NUP133: variants seen among roughly 807,000 people sequenced by gnomAD.
NUP133 encodes nuclear pore complex protein Nup133.
In NUP133, 66 loss-of-function variants were observed where a neutral mutation model predicts 146.2. That is an observed-to-expected ratio of 0.45 (90% confidence interval 0.37 to 0.55). NUP133 has a LOEUF of 0.55. Ranked by LOEUF, NUP133 falls within the 20% of genes least tolerant of loss-of-function variation. NUP133 has a pLI of 0.00. For missense variants in NUP133, 1,277 were observed against 1,374.8 expected (o/e 0.93, Z 1.12); for synonymous variants, 521 against 498.8 (o/e 1.04, Z -0.59).
chr1:229,479,447 T>C (rs943659381), intron 12 of NUP133, among the ~76,000 whole-genome samples: 4 of 152,318 alleles, frequency 2.6e-5, no homozygotes, highest in African/African-American at 9.6e-5. Context: ...AAATTAAACT[T>C]CATCATAGGT....
At chr1:229,454,387 G>A (rs545205408) in intron 21 of NUP133, among the ~76,000 whole-genome samples, 93 of 152,244 alleles carry the variant, frequency 6.1e-4, no homozygotes, top group African/African-American at 2.1e-3. Flanking sequence ...CCGTGATCCT[G>A]GTTTTGGAAA....
At chr1:229,449,247 G>T in intron 23 of NUP133, 57 bp from the exon 24 acceptor site, 1 of 1,123,576 alleles carries the variant, frequency 8.9e-7, no homozygotes, top group Non-Finnish European at 1.3e-6. Flanking sequence ...AGAAATACAT[G>T]CCTAAATTTT....
intron 18 of NUP133, among the ~76,000 whole-genome samples, chr1:229,464,246 C>T (rs913778740): frequency 6.6e-6 from 1 of 152,196 alleles, no homozygotes; most frequent in African/African-American, 2.4e-5. Flanking sequence ...TCTTCCCAGT[C>T]CTAGCCTGGA....
At chr1:229,506,840 ACT>A in intron 1 of NUP133, among the ~76,000 whole-genome samples, 1 of 151,086 alleles carries the variant, frequency 6.6e-6, no homozygotes, top group Non-Finnish European at 1.5e-5. Flanking sequence ...AAAAAAAAAA[ACT>A]ATCAGATCTG....
At chr1:229,480,886 G>A (rs934436339) in intron 12 of NUP133, among the ~76,000 whole-genome samples, 1 of 148,794 alleles carries the variant, frequency 6.7e-6, no homozygotes, top group Non-Finnish European at 1.5e-5. Context: ...GAAGAGACAA[G>A]GTTTCACCAT....
In NUP133 at chr1:229,495,484, T is replaced by C. The variant is rs756189107; in HGVS notation, c.1046+11A>G. 2.5e-6 allele frequency: 4 copies of C among 1,594,578 alleles called. No individual in the cohort carries two copies. Among genetic ancestry groups the C allele is most frequent in the Non-Finnish European group, 2.6e-6 (3 of 1,163,486 alleles). On this transcript the variant is annotated intron_variant, in intron 8 of 25. Transcript: ENST00000261396. ...CTTCTCTATGTTCTTTACGACAAAT[T>C]AATTGCTTACCAGTTTTGCTTCAAG... is the stretch of plus-strand genomic sequence containing the variant.
At chr1:229,465,159 G>A (rs563384569) in intron 17 of NUP133, among the ~76,000 whole-genome samples, 1 of 152,182 alleles carries the variant, frequency 6.6e-6, no homozygotes, top group East Asian at 1.9e-4. Flanking sequence ...CATACCTCCG[G>A]GGCCAGGACT....
chr1:229,455,760 A>G (rs1290449103), intron 21 of NUP133, among the ~76,000 whole-genome samples: 1 of 152,174 alleles, frequency 6.6e-6, no homozygotes, highest in Non-Finnish European at 1.5e-5. Context: ...TTCATTTCTA[A>G]ATACTCAGCA....
At chr1:229,454,895 C>G (rs1558090573) in intron 21 of NUP133, among the ~76,000 whole-genome samples, 1 of 152,146 alleles carries the variant, frequency 6.6e-6, no homozygotes. Flanking sequence ...TTATCCCAAA[C>G]AGTAAAAAAT....
At chr1:229,493,498 C>A (rs6662732) in intron 8 of NUP133, among the ~76,000 whole-genome samples, 28,461 of 152,072 alleles carry the variant, frequency 0.19, 2,868 homozygotes, top group Middle Eastern at 0.25. Context: ...AAATTATAAG[C>A]CCAGATTGTA....
chr1:229,456,229 G>A lies in NUP133; in HGVS notation c.2980+1932C>T, dbSNP rs146807054. Among the ~76,000 whole-genome samples, 60 of 152,284 alleles carry A rather than the reference G, an allele frequency of 3.9e-4. No individual in the cohort carries two copies. The East Asian group carries it at 0.011, about 29-fold the overall frequency. ...ACAGGGTCTATTAGATTTGTCTACT[G>A]ATACTCCAAAACCACGGGAATATCC... On this transcript the variant is annotated intron_variant, in intron 21 of 25. Transcript: ENST00000261396.
In NUP133 at chr1:229,506,158, C is replaced by A; in HGVS notation, c.183G>T (p.Arg61=). ...GTGGGAACATTCGTGTTGGTGTTCC[C>A]CTAAAGAAAAGAGTCTATATTACCT... ...PVGRRSSLSS[R]GTPTRMFPHH... The change falls in exon 2 of 26, where the codon CGG becomes CGT. Residue 61 remains arginine (R), a splice_region_variant and synonymous_variant. Transcript: ENST00000261396. The A allele has an allele frequency of 1.3e-6, 2 of 1,578,728 alleles. No individual in the cohort carries two copies. The highest frequency in any genetic ancestry group is 1.1e-5 in the South Asian group (1 of 89,010).
At chr1:229,495,701 G>A (rs1048533786) in intron 7 of NUP133, 136 bp from the exon 8 acceptor site, 15 of 866,760 alleles carry the variant, frequency 1.7e-5, no homozygotes, top group Non-Finnish European at 2.3e-5. Flanking sequence ...AAAAAAAATC[G>A]CTAAGCAAGT....
chr1:229,493,203 G>C (rs929711709), intron 8 of NUP133, among the ~76,000 whole-genome samples: 1 of 152,036 alleles, frequency 6.6e-6, no homozygotes, highest in African/African-American at 2.4e-5. Flanking sequence ...TTAGAAAAAA[G>C]GTCTTTCTCT....
At chr1:229,493,800 TTC>T (rs1182058931) in intron 8 of NUP133, among the ~76,000 whole-genome samples, 3 of 152,288 alleles carry the variant, frequency 2.0e-5, no homozygotes, top group South Asian at 2.1e-4. Flanking sequence ...ATGCTTCTCA[TTC>T]TCAACCTCAT....
chr1:229,505,706 G>A (rs1279184912), intron 2 of NUP133, among the ~76,000 whole-genome samples: 2 of 151,546 alleles, frequency 1.3e-5, no homozygotes, highest in African/African-American at 2.4e-5. Context: ...GGCCAACATG[G>A]TGAAACCCTG....
At position 229,477,594 on chromosome 1, in the gene NUP133, T is replaced by C; in HGVS notation, c.1756+3A>G. On this transcript the variant is annotated splice_donor_region_variant and intron_variant, in intron 13 of 25. Transcript: ENST00000261396. ...CACCGTTCCATAATTGAAACATTCT[T>C]ACCCTCAGGGACAGACTCAGCCCAC... The C allele has an allele frequency of 6.2e-7, 1 of 1,603,064 alleles. No individual in the cohort carries two copies. The highest frequency in any genetic ancestry group is 8.5e-7 in the Non-Finnish European group (1 of 1,173,832).
intron 13 of NUP133, among the ~76,000 whole-genome samples, chr1:229,476,928 C>CAAA (rs745478707): frequency 0.024 from 1,737 of 71,788 alleles, 33 homozygotes; most frequent in Admixed American, 0.072. Context: ...ACCCTGTTTC[C>CAAA]AAAAAAAAAA....
At chr1:229,465,148 C>T (rs1261989061) in intron 17 of NUP133, among the ~76,000 whole-genome samples, 3 of 152,164 alleles carry the variant, frequency 2.0e-5, no homozygotes, top group Admixed American at 1.3e-4. Flanking sequence ...AAAATATAGT[C>T]CATACCTCCG....
Sources: allele counts gnomAD v4.1 joint callset (sites outside exome capture counted in the v4.1 genomes callset), GRCh38; gene constraint gnomAD v4.1.1; transcripts MANE v1.5; gene names NCBI Gene and HGNC (gene_info 2026-07-23, HGNC 2026-07-21).